Variants in PPP1R13B observed in about 807,000 individuals in gnomAD.
PPP1R13B encodes protein phosphatase 1 regulatory subunit 13B.
In PPP1R13B, 44 loss-of-function variants were observed where a neutral mutation model predicts 119.8. The observed-to-expected ratio is 0.37, with a 90% confidence interval of 0.29 to 0.47. The LOEUF (loss-of-function observed/expected upper bound fraction) is 0.47. Ranked by LOEUF, PPP1R13B falls within the 20% of genes least tolerant of loss-of-function variation. The pLI, the probability that PPP1R13B is intolerant of heterozygous loss-of-function variation, is 0.99. For missense variants in PPP1R13B, 1,227 were observed against 1,413.5 expected (o/e 0.87, Z 2.12); for synonymous variants, 542 against 561.5 (o/e 0.97, Z 0.49).
chr14:103,766,249 C>T (rs2084937068), intron 4 of PPP1R13B, among the ~76,000 whole-genome samples: 1 of 152,036 alleles, frequency 6.6e-6, no homozygotes, highest in African/African-American at 2.4e-5. Flanking sequence ...ACCTCATGAT[C>T]CACCCACCTC....
In PPP1R13B at chr14:103,788,390, T is replaced by G. The variant is rs577302826; in HGVS notation, c.158-3476A>C. Among the ~76,000 whole-genome samples the G allele has an allele frequency of 2.0e-4, 31 of 152,326 alleles. No homozygotes were observed. In the South Asian group the frequency reaches 6.0e-3, roughly 30 times the overall value. ...TGCTATCACATCCTGTTCTTCAACCTTGTAGCTTTAAGCTATTTTATCCCT... is the reference window on the plus strand; with the variant it reads ...TGCTATCACATCCTGTTCTTCAACCGTGTAGCTTTAAGCTATTTTATCCCT... On this transcript the variant is annotated intron_variant, in intron 2 of 16. Transcript: ENST00000202556.
At position 103,764,264 on chromosome 14, in the gene PPP1R13B, T is replaced by G. The variant is rs2084884575; in HGVS notation, c.355-6513A>C. ...GACACCAGTGTGTCCACATTCTTGC[T>G]AATATTTGTCTTTTTGCTTATAGCT... On this transcript the variant is annotated intron_variant, in intron 4 of 16. Coordinates refer to ENST00000202556, the MANE Select transcript of PPP1R13B (RefSeq NM_015316.3). 1.8e-5 allele frequency: 3 copies of G among 164,876 alleles called. No individual in the cohort carries two copies. In the South Asian group the frequency reaches 3.9e-4, roughly 22 times the overall value. 10.2% of individuals were successfully genotyped at this position (164,876 alleles called of 1,614,324 possible).
intron 1 of PPP1R13B, among the ~76,000 whole-genome samples, chr14:103,817,290 T>A (rs1314717614): frequency 2.0e-5 from 3 of 152,116 alleles, no homozygotes; most frequent in East Asian, 1.9e-4. Context: ...CCTAATTAGG[T>A]GAGCTCCAGT....
chr14:103,808,559 T>A (rs1041211597), intron 1 of PPP1R13B, among the ~76,000 whole-genome samples: 1 of 152,196 alleles, frequency 6.6e-6, no homozygotes, highest in South Asian at 2.1e-4. Flanking sequence ...CCCGGTGCCA[T>A]GGGTTGGACA....
At chr14:103,829,090 G>T (rs1342101027) in intron 1 of PPP1R13B, among the ~76,000 whole-genome samples, 2 of 152,158 alleles carry the variant, frequency 1.3e-5, no homozygotes, top group Admixed American at 6.6e-5. Context: ...GACATAGTAG[G>T]ATTCTAAAGT....
chr14:103,836,290 C>T (rs888917784), intron 1 of PPP1R13B, among the ~76,000 whole-genome samples: 1 of 151,538 alleles, frequency 6.6e-6, no homozygotes, highest in African/African-American at 2.4e-5. Flanking sequence ...AGGTGATCCG[C>T]CTGCCTTGGC....
rs183553852 is a variant in PPP1R13B, at chr14:103,767,973, A to G, written c.355-10222T>C. ...AAAAATGCCCTTTCTTTCTCTATAA[A>G]ATCTGAGAGGAGACTTCAGGTGGCC... is the stretch of plus-strand genomic sequence containing the variant. On this transcript the variant is annotated intron_variant, in intron 4 of 16. Coordinates refer to ENST00000202556, the MANE Select transcript of PPP1R13B (RefSeq NM_015316.3). Among the ~76,000 whole-genome samples the G allele has an allele frequency of 3.9e-5, 6 of 152,246 alleles. No individual in the cohort carries two copies. The East Asian group carries it at 1.2e-3, about 29-fold the overall frequency.
chr14:103,739,252 C>T (rs1051844315), intron 12 of PPP1R13B: 17 of 536,972 alleles, frequency 3.2e-5, no homozygotes, highest in East Asian at 1.2e-4. Flanking sequence ...CCCTGGCTCA[C>T]GCACAGAGGG....
At chr14:103,817,921 A>C (rs1595817660) in intron 1 of PPP1R13B, among the ~76,000 whole-genome samples, 1 of 152,334 alleles carries the variant, frequency 6.6e-6, no homozygotes, top group East Asian at 1.9e-4. Flanking sequence ...ACATTAAAAA[A>C]AAAAACCCAA....
intron 2 of PPP1R13B, among the ~76,000 whole-genome samples, chr14:103,792,509 C>T (rs953050420): frequency 6.6e-6 from 1 of 151,992 alleles, no homozygotes; most frequent in Admixed American, 6.6e-5. Context: ...GAAAGCTTCG[C>T]TATATTTTTT....
At chr14:103,819,775 G>A (rs897179506) in intron 1 of PPP1R13B, among the ~76,000 whole-genome samples, 1 of 151,696 alleles carries the variant, frequency 6.6e-6, no homozygotes, top group Non-Finnish European at 1.5e-5. Flanking sequence ...AGATCTGGTT[G>A]TTAGGCTATC....
chr14:103,767,290 G>T (rs12878682), intron 4 of PPP1R13B, among the ~76,000 whole-genome samples: 18 of 151,634 alleles, frequency 1.2e-4, no homozygotes, highest in African/African-American at 4.4e-4. Flanking sequence ...CTCCAGCCTA[G>T]GCAACAGAGC....
chr14:103,749,762 G>C (rs2084492787), intron 8 of PPP1R13B, 32 bp downstream of exon 8: 2 of 1,599,988 alleles, frequency 1.3e-6, no homozygotes, highest in Non-Finnish European at 1.7e-6. Flanking sequence ...ACTATCTTTA[G>C]TAGTTTATCT....
At chr14:103,831,334 G>A (rs550924314) in intron 1 of PPP1R13B, among the ~76,000 whole-genome samples, 69 of 131,744 alleles carry the variant, frequency 5.2e-4, no homozygotes, top group Admixed American at 7.7e-4. Context: ...TTTTTAGGCA[G>A]AGTCTCACTC....
chr14:103,848,475 C>A, upstream of PPP1R13B: 2 of 985,474 alleles, frequency 2.0e-6, no homozygotes, highest in Non-Finnish European at 2.4e-6. Flanking sequence ...CCGCTCGGGG[C>A]CCCCCACATG....
chr14:103,742,174 C>T lies in PPP1R13B; in HGVS notation c.1438G>A (p.Glu480Lys), dbSNP rs745872524. 3.1e-6 allele frequency: 5 copies of T among 1,608,226 alleles called. No homozygotes were observed. In the Admixed American group the frequency reaches 5.0e-5, roughly 16 times the overall value. The change falls in exon 11 of 17, where the codon GAA becomes AAA. Residue 480 changes from glutamate (E) to lysine (K), a missense_variant. Transcript: ENST00000202556. The surrounding 1 kb of genome is among the most constrained non-coding windows in gnomAD (Gnocchi z 4.9). ...GGCAAGCTGCCTTCCTTCCTCCTTT[C>T]CAGGGAGCTTGTCGACCCAGGACCC... ...PLGPGSTSSL[E>K]RRKEGSLPRP...
intron 1 of PPP1R13B, 126 bp downstream of exon 1, chr14:103,847,173 G>T (rs1021251624): frequency 2.0e-6 from 2 of 1,001,372 alleles, no homozygotes; most frequent in Admixed American, 6.0e-5. Context: ...CGCCCGCCCA[G>T]CCACTTCCTT....
At chr14:103,781,507 C>G (rs1400437424) in intron 3 of PPP1R13B, among the ~76,000 whole-genome samples, 2 of 152,082 alleles carry the variant, frequency 1.3e-5, no homozygotes, top group African/African-American at 2.4e-5. Context: ...CTATAAAATA[C>G]AGATAAAGGG....
chr14:103,753,660 A>C (rs1355012733), intron 6 of PPP1R13B, among the ~76,000 whole-genome samples: 1 of 152,218 alleles, frequency 6.6e-6, no homozygotes, highest in African/African-American at 2.4e-5. Flanking sequence ...TGAATGAGTA[A>C]GTCTTGGAGC....
Sources: gnomAD v4.1 joint callset for allele counts (sites outside exome capture counted in the v4.1 genomes callset) on GRCh38, gnomAD v4.1.1 for gene constraint, Gnocchi (gnomAD v3.1) non-coding constraint, MANE v1.5 for transcripts, NCBI Gene and HGNC (gene_info 2026-07-23, HGNC 2026-07-21) for gene names.